ARL6IP5: variants seen among roughly 807,000 people sequenced by gnomAD.
The protein encoded by ARL6IP5 is PRA1 family protein 3.
ARL6IP5 carries 6 observed loss-of-function variants against 13.0 expected under a neutral mutation model. The observed-to-expected ratio is 0.46, with a 90% CI of 0.25 to 0.91. The LOEUF (loss-of-function observed/expected upper bound fraction) is 0.91, where lower values mean the gene tolerates loss of function less well. ARL6IP5 is among the 40% of genes least tolerant of loss of function. The probability of loss-of-function intolerance (pLI) is 0.17; values close to 1 mark genes in which losing one functional copy is unlikely to be tolerated. For missense variants in ARL6IP5, 208 were observed against 248.8 expected (o/e 0.84, Z 1.10); for synonymous variants, 91 against 91.9 (o/e 0.99, Z 0.06).
At chr3:69,094,923 T>C (rs1027122879) in intron 1 of ARL6IP5, among the ~76,000 whole-genome samples, 1 of 152,166 alleles carries the variant, frequency 6.6e-6, no homozygotes, top group Non-Finnish European at 1.5e-5. Flanking sequence ...GGTAAAACTA[T>C]AGACATAGCT....
At position 69,092,424 on chromosome 3, in the gene ARL6IP5, C is replaced by T. The variant is rs150170098; in HGVS notation, c.176+7201C>T. Among the ~76,000 whole-genome samples, 1,123 of 152,254 alleles carry T rather than the reference C, an allele frequency of 7.4e-3. 9 individuals are homozygous for T. Among genetic ancestry groups the T allele is most frequent in the Non-Finnish European group, 0.012 (801 of 68,012 alleles). ...AGCATTTGTCCAGCCCCTGTCTTCT[C>T]TCCACAGCTCTGTAAGAATTTGCCA... On this transcript the variant is annotated intron_variant, in intron 1 of 2. Transcript: ENST00000273258.
At chr3:69,090,401 G>A (rs1042149931) in intron 1 of ARL6IP5, among the ~76,000 whole-genome samples, 2 of 152,206 alleles carry the variant, frequency 1.3e-5, no homozygotes, top group Non-Finnish European at 2.9e-5. Flanking sequence ...GAATAGGACA[G>A]CTGTGATTCC....
chr3:69,103,603 T>G (rs1486071880), intron 2 of ARL6IP5, among the ~76,000 whole-genome samples: 1 of 152,040 alleles, frequency 6.6e-6, no homozygotes, highest in Non-Finnish European at 1.5e-5. Flanking sequence ...ACATCAGGGT[T>G]TTTCAAAATA....
chr3:69,089,818 C>A (rs1017403478), intron 1 of ARL6IP5: 1 of 456,564 alleles, frequency 2.2e-6, no homozygotes, highest in South Asian at 1.5e-5. Context: ...TTAGATAGAA[C>A]CATGTAGCTG....
chr3:69,101,885 C>T lies in ARL6IP5; in HGVS notation c.223C>T (p.Leu75=), dbSNP rs888855766. 7 of 1,613,816 alleles carry T rather than the reference C, an allele frequency of 4.3e-6. No individual in the cohort carries two copies. In the African/African-American group the frequency reaches 9.3e-5, roughly 22 times the overall value. ...GATCCTGGGAGGAATCGTGGTGGTG[C>T]TGGTGTTCACAGGGTTTGTGTGGGC... ...NMILGGIVVV[L]VFTGFVWAAH... Residue 75 remains leucine, a synonymous_variant, in exon 2 of 3, where the codon CTG becomes TTG. Coordinates refer to ENST00000273258, the MANE Select transcript of ARL6IP5 (RefSeq NM_006407.4).
At chr3:69,094,989 T>C (rs145136114) in intron 1 of ARL6IP5, among the ~76,000 whole-genome samples, 3 of 152,290 alleles carry the variant, frequency 2.0e-5, no homozygotes, top group Non-Finnish European at 2.9e-5. Flanking sequence ...ATAGCCACCT[T>C]GTTTCAGAGA....
At chr3:69,090,186 G>T (rs1399524845) in intron 1 of ARL6IP5, among the ~76,000 whole-genome samples, 1 of 152,208 alleles carries the variant, frequency 6.6e-6, no homozygotes, top group African/African-American at 2.4e-5. Flanking sequence ...ACCCTGGGAG[G>T]CTCTGGATCA....
intron 1 of ARL6IP5, among the ~76,000 whole-genome samples, chr3:69,091,903 T>G (rs2107511506): frequency 6.6e-6 from 1 of 152,268 alleles, no homozygotes; most frequent in South Asian, 2.1e-4. Context: ...CCACTTAATA[T>G]CTAATTAAGC....
At chr3:69,099,328 G>A (rs1396329406) in intron 1 of ARL6IP5, among the ~76,000 whole-genome samples, 7 of 152,164 alleles carry the variant, frequency 4.6e-5, no homozygotes, top group East Asian at 1.9e-4. Flanking sequence ...CCGAGATCGC[G>A]CCATTGTACT....
Sources: allele counts gnomAD v4.1 joint callset (sites outside exome capture counted in the v4.1 genomes callset), GRCh38; gene constraint gnomAD v4.1.1; transcripts MANE v1.5; gene names NCBI Gene and HGNC (gene_info 2026-07-23, HGNC 2026-07-21).